SNRNP200: variants seen among roughly 807,000 people sequenced by gnomAD.
SNRNP200 encodes the protein U5 small nuclear ribonucleoprotein 200 kDa helicase.
Under a neutral mutation model 255.2 loss-of-function variants are expected in SNRNP200, and 66 were observed. The ratio of observed to expected loss-of-function variants is 0.26; its 90% CI spans 0.21 to 0.32. The LOEUF (loss-of-function observed/expected upper bound fraction) is 0.32. SNRNP200 is among the 10% of genes least tolerant of loss of function. SNRNP200 has a pLI of 1.00. For synonymous variants in SNRNP200, 939 were observed against 1,027.8 expected (o/e 0.91, Z 1.65); for missense variants, 1,585 against 2,749.8 (o/e 0.58, Z 9.47).
chr2:96,276,736 G>A (rs767351033), intron 43 of SNRNP200, 168 bp downstream of exon 43: 2 of 794,758 alleles, frequency 2.5e-6, no homozygotes, highest in South Asian at 1.4e-5. Flanking sequence ...TGTTTAAGCA[G>A]AAACAAACAG....
Position 96,277,286 on chromosome 2 carries a change from A to G in SNRNP200, c.5932-45T>C. 6.3e-7 allele frequency: 1 copy of G among 1,599,504 alleles called. No homozygotes were observed. Among genetic ancestry groups the G allele is most frequent in the East Asian group, 2.2e-5 (1 of 44,822 alleles). On this transcript the variant is annotated intron_variant, in intron 41 of 44. Coordinates refer to ENST00000323853, the MANE Select transcript of SNRNP200 (RefSeq NM_014014.5). This position sits in a 1 kb window ranked among gnomAD's most constrained non-coding sequence, Gnocchi z 4.4. ...GTCAGGAAAGAGAGAACACGGGCCA[A>G]CAGCAAATGACACAGGCAGCAAAGA...
At chr2:96,279,023 G>T (rs761185141) in intron 36 of SNRNP200, 25 bp from the exon 37 acceptor site, 2 of 1,591,724 alleles carry the variant, frequency 1.3e-6, no homozygotes, top group Admixed American at 3.3e-5. Context: ...GGGAGAAGGA[G>T]TAATAAAGAA....
In SNRNP200 at chr2:96,284,576, C is replaced by A. The variant is rs370155225; in HGVS notation, c.4174G>T (p.Asp1392Tyr). 1.2e-6 allele frequency: 2 copies of A among 1,612,864 alleles called. No homozygotes were observed. The highest frequency in any genetic ancestry group is 2.2e-5 in the South Asian group (2 of 91,050). ...CTGTCCTGGAACTTCTCGTACCAGT[C>A]CATGTATACCTGGCGGGCAGAGGAG... The part of the protein sequence containing the change: ...MEALAEQVYM[D>Y]WYEKFQDRLN... The change falls in exon 31 of 45, where the codon GAC becomes TAC. Residue 1392 changes from aspartate to tyrosine, a missense_variant. Around this residue, in one of 9 missense-constraint regions of SNRNP200, gnomAD observed 719 missense variants for 1,091.1 expected, o/e 0.66. Transcript: ENST00000323853.
chr2:96,284,713 T>G, intron 30 of SNRNP200, 128 bp from the exon 31 acceptor site: 2 of 730,328 alleles, frequency 2.7e-6, no homozygotes, highest in Non-Finnish European at 4.9e-6. Context: ...TCTAATCCCA[T>G]AGCAGCCTCT....
At position 96,302,869 on chromosome 2, in the gene SNRNP200, G is replaced by A. The variant is rs746081524; in HGVS notation, c.381+290C>T. Reference sequence around the variant, plus strand: ...GCAGGCATGTGGGAATGGGTGTGGCGCTACCAGGCCCTCTCAGGCGCACCA... The same window carrying A: ...GCAGGCATGTGGGAATGGGTGTGGCACTACCAGGCCCTCTCAGGCGCACCA... On this transcript the variant is annotated intron_variant, in intron 3 of 44. Transcript: ENST00000323853. Among the ~76,000 whole-genome samples the A allele has an allele frequency of 5.3e-5, 8 of 152,166 alleles. No individual in the cohort carries two copies. In the South Asian group the frequency reaches 6.2e-4, roughly 12 times the overall value.
chr2:96,279,688 ACT>A, intron 35 of SNRNP200, 129 bp from the exon 36 acceptor site: 1 of 688,838 alleles, frequency 1.5e-6, no homozygotes, highest in Non-Finnish European at 2.6e-6. Context: ...TCACGGGACG[ACT>A]CTGTTTATGA....
chr2:96,281,940 G>A lies in SNRNP200; in HGVS notation c.4916-18C>T, dbSNP rs762143392. ...GATAGCCCCTGAGCAGTAGAGGGGAGAGGAAGGCTGAGGGCAGGGGTCTCC... is the reference window on the plus strand; with the variant it reads ...GATAGCCCCTGAGCAGTAGAGGGGAAAGGAAGGCTGAGGGCAGGGGTCTCC... On this transcript the variant is annotated intron_variant, in intron 34 of 44. Coordinates refer to ENST00000323853, the MANE Select transcript of SNRNP200 (RefSeq NM_014014.5). The A allele has an allele frequency of 6.3e-7, 1 of 1,589,038 alleles. No homozygotes were observed. Among genetic ancestry groups the A allele is most frequent in the South Asian group, 1.1e-5 (1 of 90,588 alleles).
In SNRNP200 at chr2:96,281,524, T is replaced by C. The variant is rs1573990303; in HGVS notation, c.5024+290A>G. On this transcript the variant is annotated intron_variant, in intron 35 of 44. Coordinates refer to ENST00000323853, the MANE Select transcript of SNRNP200 (RefSeq NM_014014.5). ...GGTGTATGACCTCGACCAAGTCACT[T>C]TTCCTAATCTACAAGATGTCTGAGA... 8 of 398,430 alleles carry C rather than the reference T, an allele frequency of 2.0e-5. No individual in the cohort carries two copies. The East Asian group carries it at 4.8e-4, about 24-fold the overall frequency. 24.7% of individuals were successfully genotyped at this position (398,430 alleles called of 1,614,324 possible).
In SNRNP200 at chr2:96,275,132, T is replaced by C. The variant is rs886056457; in HGVS notation, c.6291A>G (p.Pro2097=). The C allele has an allele frequency of 8.1e-6, 13 of 1,614,132 alleles. No homozygotes were observed. The highest frequency in any genetic ancestry group is 8.5e-7 in the Non-Finnish European group (1 of 1,180,060). The change falls in exon 45 of 45, where the codon CCA becomes CCG. Residue 2097 remains proline (P), a synonymous_variant. Transcript: ENST00000323853. The part of the protein sequence containing the change: ...KAKVKLDFVA[P]ATGAHNYTLY... Reference sequence around the variant, plus strand: ...GAGTGTAGTTGTGGGCACCAGTGGCTGGGGCCACAAAGTCCAACTTCACCT... The same window carrying C: ...GAGTGTAGTTGTGGGCACCAGTGGCCGGGGCCACAAAGTCCAACTTCACCT...
In SNRNP200 at chr2:96,289,999, A is replaced by G. The variant is rs759342154; in HGVS notation, c.2743-3T>C. 3.7e-6 allele frequency: 6 copies of G among 1,614,082 alleles called. 1 individual carries two copies. In the East Asian group the frequency reaches 1.3e-4, roughly 36 times the overall value. ...TAGCCCAGCCAGTTCACCGCATCCT[A>G]CAAGACACAGCTCATGGTTCTTAGC... is the stretch of plus-strand genomic sequence containing the variant. On this transcript the variant is annotated splice_region_variant and splice_polypyrimidine_tract_variant and intron_variant, in intron 20 of 44. Coordinates refer to ENST00000323853, the MANE Select transcript of SNRNP200 (RefSeq NM_014014.5).
At position 96,297,487 on chromosome 2, in the gene SNRNP200, T is replaced by C; in HGVS notation, c.1253A>G (p.Gln418Arg). ...VLDLEDLVFTQGSHFMANKRC... is the reference protein window; with the variant it reads ...VLDLEDLVFTRGSHFMANKRC... The stretch of plus-strand genomic sequence containing the variant: ...TTTATTGGCCATAAAGTGGCTCCCT[T>C]GGGTAAAAACCAGGTCCTCCAAGTC... Residue 418 changes from glutamine to arginine, a missense_variant, in exon 11 of 45, where the codon CAA (glutamine) becomes CGA (arginine). Transcript: ENST00000323853. The C allele has an allele frequency of 1.2e-6, 2 of 1,614,142 alleles. No individual in the cohort carries two copies. The highest frequency in any genetic ancestry group is 1.7e-6 in the Non-Finnish European group (2 of 1,179,998).
In SNRNP200 at chr2:96,278,768, A is replaced by G; in HGVS notation, c.5323+41T>C. On this transcript the variant is annotated intron_variant, in intron 37 of 44. Transcript: ENST00000323853. The surrounding 1 kb of genome is among the most constrained non-coding windows in gnomAD (Gnocchi z 6.9). ...AAGAAGATGCCCAGCAAAGACTGTG[A>G]GAACCACCAAAGGATCACGTGTGCT... The G allele has an allele frequency of 6.2e-7, 1 of 1,614,158 alleles. No homozygotes were observed. The highest frequency in any genetic ancestry group is 8.5e-7 in the Non-Finnish European group (1 of 1,180,008).
At chr2:96,294,110 T>C (rs981405419) in intron 14 of SNRNP200, among the ~76,000 whole-genome samples, 6 of 99,636 alleles carry the variant, frequency 6.0e-5, no homozygotes, top group African/African-American at 2.4e-4. Flanking sequence ...ATGTTTTTTT[T>C]AAAAAGTCAG....
Position 96,291,484 on chromosome 2 carries a change from G to T in SNRNP200, c.2329C>A (p.Leu777Ile). Residue 777 changes from leucine (L) to isoleucine (I), a missense_variant, in exon 18 of 45, where the codon CTT becomes ATT. Coordinates refer to ENST00000323853, the MANE Select transcript of SNRNP200 (RefSeq NM_014014.5). This position sits in a 1 kb window ranked among gnomAD's most constrained non-coding sequence, Gnocchi z 4.2. ...EQCKNLELKD[L>I]LPYGFAIHHA... Reference sequence around the variant, plus strand: ...TGAATAGCAAAGCCATAAGGCAGAAGATCCTTCAGCTCTAGGTTCTGTGGA... The same window carrying T: ...TGAATAGCAAAGCCATAAGGCAGAATATCCTTCAGCTCTAGGTTCTGTGGA... The T allele has an allele frequency of 6.2e-7, 1 of 1,611,358 alleles. No homozygotes were observed. The highest frequency in any genetic ancestry group is 8.5e-7 in the Non-Finnish European group (1 of 1,177,474).
At position 96,298,910 on chromosome 2, in the gene SNRNP200, T is replaced by C. The variant is rs2063936055; in HGVS notation, c.787A>G (p.Ile263Val). ...TGCCGCTGCAGCCAAAATGCATCAA[T>C]ATCCCGAGGGTGCAAATCCTTCTTC... ...SKKKDLHPRD[I>V]DAFWLQRQLS... The change falls in exon 7 of 45, where the codon ATT becomes GTT. Residue 263 changes from isoleucine (I) to valine (V), a missense_variant. This residue lies in a region of SNRNP200 where 383 missense variants were observed against 645.3 expected (regional missense o/e 0.59). Transcript: ENST00000323853. 1.2e-6 allele frequency: 2 copies of C among 1,614,076 alleles called. No individual in the cohort carries two copies. The highest frequency in any genetic ancestry group is 2.7e-5 in the African/African-American group (2 of 74,934).
At position 96,283,722 on chromosome 2, in the gene SNRNP200, C is replaced by G. The variant is rs753090914; in HGVS notation, c.4585-9G>C. On this transcript the variant is annotated splice_polypyrimidine_tract_variant and intron_variant, in intron 32 of 44. Transcript: ENST00000323853. This position sits in a 1 kb window ranked among gnomAD's most constrained non-coding sequence, Gnocchi z 4.7. ...TGGCTGATGTTGAAGCCCTGGCGAC[C>G]GGGGAGAAGAAAAGACACCAAGGTT... is the stretch of plus-strand genomic sequence containing the variant. 1.2e-5 allele frequency: 19 copies of G among 1,613,858 alleles called. No homozygotes were observed. The Admixed American group carries it at 2.7e-4, about 23-fold the overall frequency.
At chr2:96,276,799 C>T (rs1684673104) in intron 43 of SNRNP200, 105 bp downstream of exon 43, 5 of 1,000,762 alleles carry the variant, frequency 5.0e-6, no homozygotes, top group South Asian at 3.8e-5. Flanking sequence ...AGCTGATTAT[C>T]AGTCTAAAGT....
At position 96,285,193 on chromosome 2, in the gene SNRNP200, G is replaced by A; in HGVS notation, c.4151C>T (p.Ala1384Val). Reference protein sequence around the residue: ...GRCVYITPMEALAEQVYMDWY... With the variant: ...GRCVYITPMEVLAEQVYMDWY... ...GCCACGTCATACCTGCTCTGCCAGGGCCTCCATGGGGGTGATGTACACACA... is the reference window on the plus strand; with the variant it reads ...GCCACGTCATACCTGCTCTGCCAGGACCTCCATGGGGGTGATGTACACACA... The change falls in exon 30 of 45, where the codon GCC (alanine) becomes GTC (valine). Residue 1384 changes from alanine to valine, a missense_variant. By Grantham distance (64) the Ala-to-Val change is moderately conservative (BLOSUM62 0). Transcript: ENST00000323853. 2 of 1,614,112 alleles carry A rather than the reference G, an allele frequency of 1.2e-6. No homozygotes were observed. Among genetic ancestry groups the A allele is most frequent in the Non-Finnish European group, 1.7e-6 (2 of 1,180,032 alleles).
intron 2 of SNRNP200, among the ~76,000 whole-genome samples, chr2:96,303,815 G>T (rs918363028): frequency 7.9e-5 from 12 of 151,630 alleles, no homozygotes; most frequent in African/African-American, 1.9e-4. Context: ...GCTTGAACCC[G>T]GGAGGTGGAG....
Sources: allele counts gnomAD v4.1 joint callset (sites outside exome capture counted in the v4.1 genomes callset), GRCh38; gene constraint gnomAD v4.1.1; regional missense constraint gnomAD v4.1.1; non-coding constraint Gnocchi (gnomAD v3.1); transcripts MANE v1.5; gene names NCBI Gene and HGNC (gene_info 2026-07-23, HGNC 2026-07-21).